Variants in FERMT2 observed in about 807,000 individuals in gnomAD.
FERMT2 encodes FERM domain containing kindlin 2, also known as fermitin family homolog 2.
In FERMT2, 15 loss-of-function variants were observed where a neutral mutation model predicts 82.7. The ratio of observed to expected loss-of-function variants is 0.18; its 90% CI spans 0.12 to 0.28. The LOEUF (loss-of-function observed/expected upper bound fraction) is 0.28. Ranked by LOEUF, FERMT2 falls within the 10% of genes least tolerant of loss-of-function variation. The pLI is 1.00. For missense variants in FERMT2, 645 were observed against 809.4 expected, an observed-to-expected ratio of 0.80 and a Z score of 2.46; for synonymous variants, 274 against 271.5, an observed-to-expected ratio of 1.01 and a Z score of -0.09.
intron 12 of FERMT2, 125 bp from the exon 13 acceptor site, chr14:52,860,590 C>A: frequency 2.6e-6 from 2 of 767,962 alleles, no homozygotes; most frequent in Non-Finnish European, 2.0e-6. Context: ...GAGTTGAAAT[C>A]AAAATATCTG....
At chr14:52,884,865 GGTGGT>G (rs1200919485) in intron 4 of FERMT2, among the ~76,000 whole-genome samples, 1 of 151,780 alleles carries the variant, frequency 6.6e-6, no homozygotes, top group East Asian at 1.9e-4. Context: ...AGCTGGGTGT[GGTGGT>G]GCACGCCTAT....
At chr14:52,865,922 CTTTT>C (rs1885252420) in intron 10 of FERMT2, among the ~76,000 whole-genome samples, 1 of 152,054 alleles carries the variant, frequency 6.6e-6, no homozygotes, top group African/African-American at 2.4e-5. Flanking sequence ...CCTTTGTTTT[CTTTT>C]TAAAATATTT....
intron 3 of FERMT2, among the ~76,000 whole-genome samples, chr14:52,904,976 G>C (rs1179483170): frequency 6.6e-6 from 1 of 151,970 alleles, no homozygotes; most frequent in Non-Finnish European, 1.5e-5. Context: ...GATAACTTGA[G>C]GTCAGGTGTT....
chr14:52,914,689 G>A (rs995846150), intron 3 of FERMT2, among the ~76,000 whole-genome samples: 66 of 152,310 alleles, frequency 4.3e-4, no homozygotes, highest in African/African-American at 1.5e-3. Context: ...GGAGGCCGAG[G>A]CAGGCGGATC....
chr14:52,925,683 G>C (rs1303135495), intron 2 of FERMT2, among the ~76,000 whole-genome samples: 2 of 152,056 alleles, frequency 1.3e-5, no homozygotes, highest in East Asian at 3.9e-4. Flanking sequence ...CTGTTGCCCA[G>C]GCTGGAGAGC....
chr14:52,943,398 A>C (rs114026148), intron 2 of FERMT2, among the ~76,000 whole-genome samples: 3,209 of 152,226 alleles, frequency 0.021, 77 homozygotes, highest in East Asian at 0.075. Flanking sequence ...TTATTATATA[A>C]TCTCCTGTAG....
At chr14:52,859,947 A>G (rs565261479) in intron 13 of FERMT2, 96 of 287,758 alleles carry the variant, frequency 3.3e-4, no homozygotes, top group Non-Finnish European at 1.2e-4. Context: ...CCTCCCGAGT[A>G]GCTGGGACTA....
In FERMT2 at chr14:52,930,793, A is replaced by G. The variant is rs116659808; in HGVS notation, c.158-11437T>C. 6.4e-3 allele frequency among the ~76,000 whole-genome samples: 980 copies of G among 152,318 alleles called. 12 individuals carry two copies. The highest frequency in any genetic ancestry group is 0.022 in the African/African-American group (930 of 41,564). ...TGTTTCTACTGAGACTCTATTGCCAATAATGTGTAAAGACAGGGCCTACAA... is the reference window on the plus strand; with the variant it reads ...TGTTTCTACTGAGACTCTATTGCCAGTAATGTGTAAAGACAGGGCCTACAA... On this transcript the variant is annotated intron_variant, in intron 2 of 14. Transcript: ENST00000341590.
chr14:52,869,896 T>C (rs1885510136), intron 10 of FERMT2, among the ~76,000 whole-genome samples: 1 of 151,930 alleles, frequency 6.6e-6, no homozygotes, highest in South Asian at 2.1e-4. Flanking sequence ...ATGATCCCAA[T>C]CTCGTGGAGG....
intron 2 of FERMT2, among the ~76,000 whole-genome samples, chr14:52,937,282 G>A (rs1889889257): frequency 6.6e-6 from 1 of 152,108 alleles, no homozygotes; most frequent in African/African-American, 2.4e-5. Flanking sequence ...TATAGTCTCT[G>A]GCATCCAATA....
chr14:52,864,676 G>A (rs1885164877), intron 11 of FERMT2, 54 bp from the exon 12 acceptor site: 66 of 1,578,624 alleles, frequency 4.2e-5, no homozygotes, highest in Non-Finnish European at 5.7e-5. Context: ...GGTCTTTCAA[G>A]TATAAAATAT....
chr14:52,897,937 T>C (rs548719985), intron 3 of FERMT2, among the ~76,000 whole-genome samples: 181 of 139,868 alleles, frequency 1.3e-3, no homozygotes, highest in Non-Finnish European at 1.8e-3. Context: ...GATCATGCCA[T>C]TGCACTCCAG....
rs568004571 is a variant in FERMT2, at chr14:52,935,533, T to C, written c.157+14879A>G. On this transcript the variant is annotated intron_variant, in intron 2 of 14. Coordinates refer to ENST00000341590, the MANE Select transcript of FERMT2 (RefSeq NM_006832.3). ...GAGACAGAAGACAGCTGGTTTCCTA[T>C]CTCTCCTTCTTTCCCTCCTCCATGT... Among the ~76,000 whole-genome samples the C allele has an allele frequency of 9.2e-5, 14 of 152,248 alleles. No homozygotes were observed. In the South Asian group the frequency reaches 2.7e-3, roughly 29 times the overall value.
At chr14:52,892,159 G>GTTT (rs1555368979) in intron 4 of FERMT2, among the ~76,000 whole-genome samples, 31 of 78,748 alleles carry the variant, frequency 3.9e-4, no homozygotes, top group African/African-American at 1.1e-3. Flanking sequence ...AGAGAAGGCT[G>GTTT]TTTTTTGTTT....
chr14:52,897,913 T>C (rs961064075), intron 3 of FERMT2, among the ~76,000 whole-genome samples: 2 of 144,768 alleles, frequency 1.4e-5, no homozygotes, highest in Admixed American at 7.3e-5. Context: ...GAGGCGGAGG[T>C]TGCAGTGAGC....
intron 3 of FERMT2, among the ~76,000 whole-genome samples, chr14:52,896,875 A>G (rs1276299413): frequency 6.6e-6 from 1 of 151,914 alleles, no homozygotes; most frequent in East Asian, 1.9e-4. Flanking sequence ...GCACACCTAG[A>G]GTCCCAGCTA....
chr14:52,944,013 T>C (rs1046471085), intron 2 of FERMT2, among the ~76,000 whole-genome samples: 12 of 152,122 alleles, frequency 7.9e-5, no homozygotes, highest in Admixed American at 6.5e-4. Flanking sequence ...GTATAAAACA[T>C]AGCAGCAAAA....
At chr14:52,865,178 G>A (rs538288438) in intron 10 of FERMT2, among the ~76,000 whole-genome samples, 4 of 152,210 alleles carry the variant, frequency 2.6e-5, no homozygotes, top group South Asian at 2.1e-4. Context: ...AAAATTAGCC[G>A]GGGGTGGTGG....
At chr14:52,919,712 G>A (rs1389913233) in intron 2 of FERMT2, among the ~76,000 whole-genome samples, 2 of 152,152 alleles carry the variant, frequency 1.3e-5, no homozygotes, top group Non-Finnish European at 2.9e-5. Context: ...CTTGGAACTC[G>A]TCCTATAGGA....
Sources: gnomAD v4.1 joint callset for allele counts (sites outside exome capture counted in the v4.1 genomes callset) on GRCh38, gnomAD v4.1.1 for gene constraint, MANE v1.5 for transcripts, NCBI Gene and HGNC (gene_info 2026-07-23, HGNC 2026-07-21) for gene names.